Variants in TTC23L observed in about 807,000 individuals in gnomAD.
TTC23L encodes the protein tetratricopeptide repeat protein 23-like.
A neutral mutation model predicts 48.1 loss-of-function variants in TTC23L; 42 were observed. The ratio of observed to expected loss-of-function variants is 0.87; its 90% confidence interval spans 0.68 to 1.13. The LOEUF is 1.13. TTC23L is among the 50% of genes most tolerant of loss of function. The pLI is 0.00. For synonymous variants in TTC23L, 159 were observed against 157.2 expected, an observed-to-expected ratio of 1.01 and a Z score of -0.09; for missense variants, 391 against 421.0, an observed-to-expected ratio of 0.93 and a Z score of 0.62.
intron 8 of TTC23L, among the ~76,000 whole-genome samples, chr5:34,875,600 A>G (rs867545055): frequency 3.3e-5 from 5 of 152,054 alleles, no homozygotes; most frequent in Non-Finnish European, 7.4e-5. Flanking sequence ...CTCCCAGCCC[A>G]CTGTCTCTAA....
chr5:34,907,012 G>A, the TTC23L span: 1 of 151,988 alleles, frequency 6.6e-6, no homozygotes, highest in Non-Finnish European at 1.5e-5. Context: ...TTCTTTTGTA[G>A]TCACTGCTAA....
chr5:34,877,796 A>G (rs899437872), intron 8 of TTC23L, among the ~76,000 whole-genome samples: 4 of 151,928 alleles, frequency 2.6e-5, no homozygotes, highest in Admixed American at 1.3e-4. Flanking sequence ...TCCTCTCACC[A>G]CTCCTTTTCA....
At chr5:34,852,377 A>G (rs1235679818) in intron 4 of TTC23L, among the ~76,000 whole-genome samples, 3 of 152,212 alleles carry the variant, frequency 2.0e-5, no homozygotes, top group African/African-American at 7.2e-5. Context: ...ATGTTTGGAA[A>G]TGGGACTGAA....
At chr5:34,844,554 T>C (rs1758960223) in intron 2 of TTC23L, among the ~76,000 whole-genome samples, 1 of 152,174 alleles carries the variant, frequency 6.6e-6, no homozygotes, top group Admixed American at 6.5e-5. Flanking sequence ...TTTGTGCTTT[T>C]CTGAATTTTC....
chr5:34,924,849 C>T, the TTC23L span: 1 of 1,595,840 alleles, frequency 6.3e-7, no homozygotes, highest in South Asian at 1.1e-5. Flanking sequence ...TATTAAAGAT[C>T]ATAGAAGAAG....
At chr5:34,882,618 TACACACACACAC>T (rs146120966) in intron 9 of TTC23L, among the ~76,000 whole-genome samples, 110 of 140,968 alleles carry the variant, frequency 7.8e-4, no homozygotes, top group African/African-American at 1.4e-3. Context: ...TCCCATGGAC[TACACACACACAC>T]ACACACACAC....
At chr5:34,846,082 G>T (rs1288589391) in intron 3 of TTC23L, among the ~76,000 whole-genome samples, 1 of 152,192 alleles carries the variant, frequency 6.6e-6, no homozygotes, top group Non-Finnish European at 1.5e-5. Context: ...TACTTGGGAA[G>T]CTGAGACAGG....
At position 34,839,515 on chromosome 5, in the gene TTC23L, G is replaced by C. The variant is rs17523446; in HGVS notation, c.-8+256G>C. The C allele has an allele frequency of 5.9e-4, 304 of 512,266 alleles. 1 individual carries two copies. The Middle Eastern group carries it at 0.011, about 18-fold the overall frequency. The allele number at this position is 512,266 out of a possible 1,614,324, so 31.7% of individuals were successfully genotyped here. ...TCCTTGAGGGGCTCAGGGCCGTGCG[G>C]AACGTCATAGGAACAGAGTCCGGGA... On this transcript the variant is annotated intron_variant, in intron 1 of 10. Transcript: ENST00000505624.
intron 9 of TTC23L, among the ~76,000 whole-genome samples, chr5:34,885,184 C>A (rs757703585): frequency 4.6e-5 from 7 of 152,128 alleles, no homozygotes; most frequent in Non-Finnish European, 8.8e-5. Flanking sequence ...TAGCCTAGAC[C>A]TTTTAAAAAT....
intron 8 of TTC23L, among the ~76,000 whole-genome samples, chr5:34,879,369 G>A (rs1762065791): frequency 6.6e-6 from 1 of 152,052 alleles, no homozygotes; most frequent in Non-Finnish European, 1.5e-5. Flanking sequence ...TTGTTTCTGT[G>A]TATTTTCTAG....
chr5:34,880,140 G>A lies in TTC23L; in HGVS notation c.950-41G>A, dbSNP rs759829616. 6.3e-6 allele frequency: 10 copies of A among 1,590,378 alleles called. No homozygotes were observed. In the African/African-American group the frequency reaches 1.1e-4, roughly 17 times the overall value. On this transcript the variant is annotated intron_variant, in intron 8 of 10. Coordinates refer to ENST00000505624, the Ensembl canonical transcript of TTC23L. ...AAAGCTGATATTAGACATTTGTAAA[G>A]GTTAGCAGCTTGCCTTAAATAATTG...
At chr5:34,889,449 C>A (rs1762722900) in intron 9 of TTC23L, among the ~76,000 whole-genome samples, 1 of 152,166 alleles carries the variant, frequency 6.6e-6, no homozygotes, top group Non-Finnish European at 1.5e-5. Context: ...CCCTTCTCAA[C>A]AGGTTCACTA....
At chr5:34,886,062 A>T (rs1389281642) in intron 9 of TTC23L, among the ~76,000 whole-genome samples, 5 of 152,170 alleles carry the variant, frequency 3.3e-5, no homozygotes. Context: ...GACACTGCTA[A>T]TCATAGGCTC....
the TTC23L span, chr5:34,911,536 T>C: frequency 6.2e-7 from 1 of 1,613,292 alleles, no homozygotes; most frequent in Non-Finnish European, 8.5e-7. Context: ...TAACTATAAC[T>C]GCACTGCTCT....
chr5:34,894,482 G>C (rs1025096185), intron 9 of TTC23L, among the ~76,000 whole-genome samples: 3 of 152,130 alleles, frequency 2.0e-5, no homozygotes, highest in Non-Finnish European at 4.4e-5. Flanking sequence ...TGTAGTTAGT[G>C]CAAAGGACAG....
chr5:34,883,705 C>T (rs916528951), intron 9 of TTC23L, among the ~76,000 whole-genome samples: 1 of 152,068 alleles, frequency 6.6e-6, no homozygotes, highest in Non-Finnish European at 1.5e-5. Context: ...AACATATTAC[C>T]TACCAAGACT....
the TTC23L span, chr5:34,923,133 A>G: frequency 1.9e-6 from 3 of 1,612,126 alleles, no homozygotes; most frequent in Admixed American, 1.7e-5. Context: ...TTTTAACTAG[A>G]TCTTTAGTAC....
chr5:34,914,988 C>T, the TTC23L span: 1 of 1,383,292 alleles, frequency 7.2e-7, no homozygotes, highest in Non-Finnish European at 1.0e-6. Flanking sequence ...GTAAAACTCC[C>T]ATCAGTGCTG....
intron 8 of TTC23L, among the ~76,000 whole-genome samples, chr5:34,871,198 A>G (rs926574612): frequency 6.6e-6 from 1 of 152,196 alleles, no homozygotes; most frequent in Non-Finnish European, 1.5e-5. Context: ...CCTAGAACTA[A>G]TATGTTTAAG....
Sources: allele counts gnomAD v4.1 joint callset (sites outside exome capture counted in the v4.1 genomes callset), GRCh38; gene constraint gnomAD v4.1.1; transcripts MANE v1.5; gene names NCBI Gene and HGNC (gene_info 2026-07-23, HGNC 2026-07-21).